Variants in KLHL2 observed in about 807,000 individuals in gnomAD.
The protein encoded by KLHL2 is kelch like family member 2.
In KLHL2, 15 loss-of-function variants were observed where a neutral mutation model predicts 75.8. The observed-to-expected ratio is 0.20, with a 90% CI of 0.13 to 0.30. KLHL2 has a LOEUF of 0.30. Ranked by LOEUF, KLHL2 falls within the 10% of genes least tolerant of loss-of-function variation. KLHL2 has a pLI of 1.00. For synonymous variants in KLHL2, 214 were observed against 251.9 expected, an observed-to-expected ratio of 0.85 and a Z score of 1.42; for missense variants, 381 against 741.0, an observed-to-expected ratio of 0.51 and a Z score of 5.64.
At position 165,297,216 on chromosome 4, in the gene KLHL2, A is replaced by G. The variant is rs181229324; in HGVS notation, c.655-393A>G. On this transcript the variant is annotated intron_variant, in intron 6 of 14. Transcript: ENST00000226725. ...CCTTATTTTTTAATTTGTAAAAAAA[A>G]ATTTCAAAATACTACATTTTAATAT... Among the ~76,000 whole-genome samples the G allele has an allele frequency of 3.6e-4, 55 of 152,290 alleles. No individual in the cohort carries two copies. The East Asian group carries it at 6.7e-3, about 19-fold the overall frequency.
At chr4:165,240,867 T>G (rs1739767598) in intron 4 of KLHL2, among the ~76,000 whole-genome samples, 1 of 152,188 alleles carries the variant, frequency 6.6e-6, no homozygotes. Context: ...CTGAATGTTG[T>G]TTGTAGTAGT....
chr4:165,253,187 A>G (rs1165188823), intron 4 of KLHL2, among the ~76,000 whole-genome samples: 2 of 152,086 alleles, frequency 1.3e-5, no homozygotes, highest in South Asian at 2.1e-4. Flanking sequence ...GGCACCCACC[A>G]CCATGCCTGA....
chr4:165,303,841 G>A (rs549417614), intron 8 of KLHL2, among the ~76,000 whole-genome samples: 1 of 152,224 alleles, frequency 6.6e-6, no homozygotes, highest in South Asian at 2.1e-4. Flanking sequence ...TGGGATTACA[G>A]GAGTGAGCCA....
intron 1 of KLHL2, among the ~76,000 whole-genome samples, chr4:165,216,729 C>T (rs1247733355): frequency 6.6e-6 from 1 of 152,050 alleles, no homozygotes; most frequent in Non-Finnish European, 1.5e-5. Context: ...CACAAAGCCA[C>T]ACAGGGAATG....
chr4:165,262,001 T>C lies in KLHL2; in HGVS notation c.382-1196T>C, dbSNP rs537929159. 5.9e-5 allele frequency among the ~76,000 whole-genome samples: 9 copies of C among 152,354 alleles called. No homozygotes were observed. In the South Asian group the frequency reaches 1.0e-3, roughly 18 times the overall value. On this transcript the variant is annotated intron_variant, in intron 4 of 14. Transcript: ENST00000226725. ...TTTTTTTGTGGGGTTTCTTTGGCTTTTATAAAGGATCACCAGAATTCGATA... is the reference window on the plus strand; with the variant it reads ...TTTTTTTGTGGGGTTTCTTTGGCTTCTATAAAGGATCACCAGAATTCGATA...
intron 7 of KLHL2, 127 bp downstream of exon 7, chr4:165,297,852 A>T: frequency 1.4e-6 from 1 of 694,666 alleles, no homozygotes; most frequent in East Asian, 2.5e-5. Flanking sequence ...GACAGAAGAC[A>T]GTAAAGGACC....
intron 3 of KLHL2, among the ~76,000 whole-genome samples, chr4:165,230,166 T>C (rs1233975485): frequency 2.6e-5 from 4 of 152,226 alleles, no homozygotes; most frequent in African/African-American, 9.6e-5. Flanking sequence ...TGGACACTTT[T>C]CTAGAGAGAG....
In KLHL2 at chr4:165,287,491, A is replaced by T. The variant is rs533268136; in HGVS notation, c.545-6868A>T. ...ATATGTCTTCAAGACCCTGCTTTCC[A>T]TTCTTCTGGATATATACACAGAAGT... is the stretch of plus-strand genomic sequence containing the variant. On this transcript the variant is annotated intron_variant, in intron 5 of 14. Transcript: ENST00000226725. Among the ~76,000 whole-genome samples, 106 of 152,316 alleles carry T rather than the reference A, an allele frequency of 7.0e-4. 1 individual carries two copies. The highest frequency in any genetic ancestry group is 2.3e-3 in the Admixed American group (35 of 15,302).
intron 5 of KLHL2, among the ~76,000 whole-genome samples, chr4:165,280,135 C>T (rs1743552423): frequency 6.6e-6 from 1 of 152,220 alleles, no homozygotes; most frequent in African/African-American, 2.4e-5. Flanking sequence ...TTCCAGCCAA[C>T]TCTTGGCCGT....
chr4:165,244,921 A>G (rs926478299), intron 4 of KLHL2, among the ~76,000 whole-genome samples: 3 of 152,150 alleles, frequency 2.0e-5, no homozygotes, highest in African/African-American at 7.2e-5. Flanking sequence ...AACTGAGGGT[A>G]GGCTGGGCAC....
At chr4:165,226,730 A>C (rs1738468059) in intron 2 of KLHL2, among the ~76,000 whole-genome samples, 3 of 152,106 alleles carry the variant, frequency 2.0e-5, no homozygotes, top group East Asian at 3.8e-4. Flanking sequence ...ATGTCAAAAA[A>C]TAAATTATTT....
At chr4:165,247,421 T>G (rs1740350778) in intron 4 of KLHL2, among the ~76,000 whole-genome samples, 1 of 152,166 alleles carries the variant, frequency 6.6e-6, no homozygotes, top group African/African-American at 2.4e-5. Context: ...TGTTTTTGTT[T>G]GTTTGTTTTG....
chr4:165,291,085 A>G lies in KLHL2; in HGVS notation c.545-3274A>G, dbSNP rs180706151. Among the ~76,000 whole-genome samples, 121 of 152,318 alleles carry G rather than the reference A, an allele frequency of 7.9e-4. 1 individual carries two copies. The highest frequency in any genetic ancestry group is 2.7e-3 in the African/African-American group (113 of 41,576). On this transcript the variant is annotated intron_variant, in intron 5 of 14. Transcript: ENST00000226725. ...ATGCAGTTCTCTAATGACATGTAAT[A>G]TTGAGCATCTTTCCATGTGCTTATT...
chr4:165,229,353 A>T (rs1337611701), intron 3 of KLHL2, among the ~76,000 whole-genome samples: 4 of 152,252 alleles, frequency 2.6e-5, no homozygotes, highest in African/African-American at 9.6e-5. Flanking sequence ...CTCATGTTCT[A>T]CTTTGGCAAC....
At chr4:165,318,282 T>G (rs980900209) in intron 14 of KLHL2, among the ~76,000 whole-genome samples, 1 of 152,188 alleles carries the variant, frequency 6.6e-6, no homozygotes, top group Non-Finnish European at 1.5e-5. Context: ...ATTCCTGAGA[T>G]GTCCAAGAAA....
intron 4 of KLHL2, among the ~76,000 whole-genome samples, chr4:165,240,190 G>A (rs1739704104): frequency 6.6e-6 from 1 of 152,170 alleles, no homozygotes; most frequent in African/African-American, 2.4e-5. Context: ...TTCTAACAGG[G>A]ACACTGTGTT....
At chr4:165,234,071 T>C (rs1360268719) in intron 3 of KLHL2, among the ~76,000 whole-genome samples, 2 of 152,230 alleles carry the variant, frequency 1.3e-5, no homozygotes, top group Non-Finnish European at 2.9e-5. Context: ...TTTTAGGAGC[T>C]AAGAAACCTT....
intron 1 of KLHL2, among the ~76,000 whole-genome samples, chr4:165,218,616 T>G (rs1229052959): frequency 6.6e-6 from 1 of 152,160 alleles, no homozygotes; most frequent in African/African-American, 2.4e-5. Flanking sequence ...TGTCTTTCCC[T>G]TTCCCCCCAC....
At chr4:165,283,620 T>G (rs1363278733) in intron 5 of KLHL2, among the ~76,000 whole-genome samples, 1 of 152,146 alleles carries the variant, frequency 6.6e-6, no homozygotes, top group African/African-American at 2.4e-5. Flanking sequence ...GGGCTGGTGT[T>G]GAGTGTCTAT....
Sources: allele counts gnomAD v4.1 joint callset (sites outside exome capture counted in the v4.1 genomes callset), GRCh38; gene constraint gnomAD v4.1.1; transcripts MANE v1.5; gene names NCBI Gene and HGNC (gene_info 2026-07-23, HGNC 2026-07-21).